Variants in PHKB observed in about 807,000 individuals in gnomAD.
The protein encoded by PHKB is phosphorylase b kinase regulatory subunit beta.
In PHKB, 122 loss-of-function variants were observed where a neutral mutation model predicts 152.1. That is an observed-to-expected ratio of 0.80 (90% CI 0.69 to 0.93). The LOEUF is 0.93. PHKB is among the 40% of genes least tolerant of loss of function. PHKB has a pLI of 0.00. For synonymous variants in PHKB, 436 were observed against 464.9 expected (o/e 0.94, Z 0.80); for missense variants, 1,304 against 1,328.4 (o/e 0.98, Z 0.29).
chr16:47,508,771 G>A (rs1970460956), intron 4 of PHKB, among the ~76,000 whole-genome samples: 1 of 151,950 alleles, frequency 6.6e-6, no homozygotes, highest in Non-Finnish European at 1.5e-5. Context: ...ATACTAATTA[G>A]CATCCTCTTG....
chr16:47,649,833 T>C (rs956974792), intron 18 of PHKB, among the ~76,000 whole-genome samples: 1 of 152,202 alleles, frequency 6.6e-6, no homozygotes, highest in African/African-American at 2.4e-5. Flanking sequence ...GTACTAAGAA[T>C]AGTGCCTGGC....
rs1439090746 is a variant in PHKB at position 47,490,968 on chromosome 16, C to T, written c.77-6431C>T. 3.9e-5 allele frequency among the ~76,000 whole-genome samples: 6 copies of T among 152,320 alleles called. No homozygotes were observed. The East Asian group carries it at 1.2e-3, about 29-fold the overall frequency. Reference sequence around the variant, plus strand: ...TATCTAATTCAAAACAATTCTTTAACCCTAGCCAATACTTTACATTTTCCT... The same window carrying T: ...TATCTAATTCAAAACAATTCTTTAATCCTAGCCAATACTTTACATTTTCCT... On this transcript the variant is annotated intron_variant, in intron 1 of 30. Coordinates refer to ENST00000323584, the MANE Select transcript of PHKB (RefSeq NM_000293.3).
chr16:47,645,271 G>A (rs1973094990), intron 16 of PHKB, among the ~76,000 whole-genome samples: 1 of 140,696 alleles, frequency 7.1e-6, no homozygotes, highest in Non-Finnish European at 1.5e-5. Context: ...TGGTGTTTTG[G>A]ACATGAAGTC....
chr16:47,521,366 C>T (rs1309327478), intron 6 of PHKB, among the ~76,000 whole-genome samples: 1 of 152,022 alleles, frequency 6.6e-6, no homozygotes, highest in Non-Finnish European at 1.5e-5. Context: ...TTAAATGTTA[C>T]CTGTGGGCTG....
chr16:47,664,551 A>T (rs1279888224), intron 24 of PHKB, among the ~76,000 whole-genome samples: 1 of 152,194 alleles, frequency 6.6e-6, no homozygotes, highest in Non-Finnish European at 1.5e-5. Flanking sequence ...TTCTATTTTT[A>T]TAATAAATAT....
chr16:47,558,400 A>T (rs966110259), intron 7 of PHKB, among the ~76,000 whole-genome samples: 4 of 152,164 alleles, frequency 2.6e-5, no homozygotes, highest in African/African-American at 9.6e-5. Flanking sequence ...AAATAAAAAT[A>T]AATTTAAAAA....
At position 47,650,607 on chromosome 16, in the gene PHKB, A is replaced by T; in HGVS notation, c.1861A>T (p.Ile621Phe). ...TGGACGTCCACTTTTCCTTGTTCTCATCCGGGAAGACAATATAAGGTAGGT... is the reference window on the plus strand; with the variant it reads ...TGGACGTCCACTTTTCCTTGTTCTCTTCCGGGAAGACAATATAAGGTAGGT... ...MHGRPLFLVL[I>F]REDNIRGSRF... The change falls in exon 19 of 31, where the codon ATC becomes TTC. Residue 621 changes from isoleucine (I) to phenylalanine (F), a missense_variant. By Grantham distance (21) the Ile-to-Phe change is conservative (BLOSUM62 0). Transcript: ENST00000323584. The T allele has an allele frequency of 6.2e-7, 1 of 1,608,014 alleles. No individual in the cohort carries two copies. Among genetic ancestry groups the T allele is most frequent in the Non-Finnish European group, 8.5e-7 (1 of 1,174,488 alleles).
intron 7 of PHKB, among the ~76,000 whole-genome samples, chr16:47,558,794 C>T (rs937145433): frequency 3.9e-5 from 6 of 152,218 alleles, no homozygotes; most frequent in African/African-American, 1.4e-4. Flanking sequence ...AGTGGTCTTG[C>T]CCACCTTGGC....
intron 20 of PHKB, among the ~76,000 whole-genome samples, chr16:47,655,096 A>G (rs1973311531): frequency 1.3e-5 from 2 of 152,196 alleles, no homozygotes; most frequent in African/African-American, 4.8e-5. Flanking sequence ...CAGTGAAACA[A>G]TGTAGTACTT....
At chr16:47,461,758 CCCTGTGAATGTGTCTTT>C (rs1312956717) in intron 1 of PHKB, among the ~76,000 whole-genome samples, 1 of 152,132 alleles carries the variant, frequency 6.6e-6, no homozygotes, top group East Asian at 1.9e-4. Context: ...AATGTGTCTT[CCCTGTGAATGTGTCTTT>C]CCTGTGAATG....
chr16:47,463,901 T>C (rs1041270145), intron 1 of PHKB: 12 of 1,612,964 alleles, frequency 7.4e-6, no homozygotes, highest in Non-Finnish European at 1.0e-5. Context: ...TGCTATAGCT[T>C]AGCCTGCGAC....
At chr16:47,682,964 G>T (rs892386153) in intron 26 of PHKB, among the ~76,000 whole-genome samples, 5 of 152,198 alleles carry the variant, frequency 3.3e-5, no homozygotes, top group Non-Finnish European at 5.9e-5. Context: ...CTTTCTGTTT[G>T]TTAGTTTTCC....
chr16:47,566,253 C>A (rs1971564578), intron 7 of PHKB: 4 of 852,392 alleles, frequency 4.7e-6, no homozygotes, highest in Non-Finnish European at 8.1e-6. Flanking sequence ...ATCATCACCT[C>A]TTCTAGGTGA....
intron 1 of PHKB, among the ~76,000 whole-genome samples, chr16:47,479,715 T>C (rs984503873): frequency 2.6e-5 from 4 of 152,208 alleles, no homozygotes; most frequent in Non-Finnish European, 5.9e-5. Context: ...ATTGCAGATC[T>C]TGGGCTCTGA....
chr16:47,686,123 A>G (rs896909326), intron 26 of PHKB, among the ~76,000 whole-genome samples: 4 of 152,202 alleles, frequency 2.6e-5, no homozygotes, highest in African/African-American at 9.7e-5. Context: ...ATGATTTTTG[A>G]GAACAGTGTT....
At chr16:47,571,773 C>G (rs1971663377) in intron 7 of PHKB, among the ~76,000 whole-genome samples, 1 of 152,180 alleles carries the variant, frequency 6.6e-6, no homozygotes, top group Non-Finnish European at 1.5e-5. Flanking sequence ...AGAGTAGAAC[C>G]TTAGTCTTTC....
intron 1 of PHKB, among the ~76,000 whole-genome samples, chr16:47,490,769 G>A (rs1177480023): frequency 1.3e-5 from 2 of 152,066 alleles, no homozygotes; most frequent in African/African-American, 2.4e-5. Context: ...TTTTGCCAAA[G>A]GGCAGATCAG....
chr16:47,542,259 C>A (rs1302889304), intron 6 of PHKB, among the ~76,000 whole-genome samples: 2 of 152,116 alleles, frequency 1.3e-5, no homozygotes, highest in African/African-American at 4.8e-5. Context: ...AATAGGGAAT[C>A]CTTTCCCCAT....
chr16:47,535,224 G>A (rs1970931991), intron 6 of PHKB, among the ~76,000 whole-genome samples: 1 of 152,144 alleles, frequency 6.6e-6, no homozygotes, highest in African/African-American at 2.4e-5. Flanking sequence ...TTGAAACTTG[G>A]GGAAGAGAAA....
Sources: allele counts gnomAD v4.1 joint callset (sites outside exome capture counted in the v4.1 genomes callset), GRCh38; gene constraint gnomAD v4.1.1; transcripts MANE v1.5; gene names NCBI Gene and HGNC (gene_info 2026-07-23, HGNC 2026-07-21).